Variants in PPFIA2 observed in about 807,000 individuals in gnomAD.
PPFIA2 encodes the protein PPFI scaffold protein A2.
Under a neutral mutation model 175.5 loss-of-function variants are expected in PPFIA2, and 46 were observed. The ratio of observed to expected loss-of-function variants is 0.26; its 90% CI spans 0.21 to 0.34. PPFIA2 has a LOEUF of 0.34. Among genes scored for constraint, PPFIA2 ranks in the 10% least tolerant of loss-of-function variants. The probability of loss-of-function intolerance (pLI) is 1.00; values close to 1 mark genes in which losing one functional copy is unlikely to be tolerated. For synonymous variants in PPFIA2, 568 were observed against 511.4 expected, an observed-to-expected ratio of 1.11 and a Z score of -1.49; for missense variants, 1,179 against 1,506.1, an observed-to-expected ratio of 0.78 and a Z score of 3.60.
At chr12:81,306,470 C>G (rs941906443) in intron 22 of PPFIA2, among the ~76,000 whole-genome samples, 3 of 150,608 alleles carry the variant, frequency 2.0e-5, no homozygotes, top group Non-Finnish European at 3.0e-5. Flanking sequence ...GTAACTCACA[C>G]AAAAGGCAAT....
At chr12:81,677,717 T>C (rs950829301) in intron 3 of PPFIA2, among the ~76,000 whole-genome samples, 1 of 151,914 alleles carries the variant, frequency 6.6e-6, no homozygotes, top group Non-Finnish European at 1.5e-5. Flanking sequence ...AGTATAAAAA[T>C]ATAAAGAGAT....
Position 81,347,761 on chromosome 12 carries a change from C to T in PPFIA2, c.2004G>A (p.Gln668=), listed in dbSNP as rs776762437. Residue 668 remains glutamine, a synonymous_variant, in exon 18 of 33, where the codon CAG becomes CAA. Transcript: ENST00000549396. ...GCAACTCTGTAGATTCTTTTTCTTC[C>T]TGAATTAGCCTGAAAGATACAGTTT... The part of the protein sequence containing the change: ...DAINKEIRLI[Q]EEKESTELRA... 1.9e-6 allele frequency: 3 copies of T among 1,613,644 alleles called. No homozygotes were observed. The Admixed American group carries it at 5.0e-5, about 27-fold the overall frequency.
chr12:81,579,275 C>A (rs1246489209), intron 4 of PPFIA2, among the ~76,000 whole-genome samples: 2 of 151,770 alleles, frequency 1.3e-5, no homozygotes, highest in African/African-American at 4.8e-5. Flanking sequence ...GAATAGCAAC[C>A]ACATAATACC....
chr12:81,753,901 G>A (rs2084239528), intron 3 of PPFIA2, 72 bp downstream of exon 3: 2 of 1,542,018 alleles, frequency 1.3e-6, no homozygotes, highest in Non-Finnish European at 1.8e-6. Flanking sequence ...GTAACATTAA[G>A]AATGGGAGTA....
At chr12:81,672,600 C>A (rs1464875459) in intron 4 of PPFIA2, among the ~76,000 whole-genome samples, 1 of 151,872 alleles carries the variant, frequency 6.6e-6, no homozygotes, top group African/African-American at 2.4e-5. Flanking sequence ...TAAAGAGAAC[C>A]ATTAGCATTT....
At chr12:81,698,011 G>T (rs2076084741) in intron 3 of PPFIA2, among the ~76,000 whole-genome samples, 1 of 152,052 alleles carries the variant, frequency 6.6e-6, no homozygotes, top group Non-Finnish European at 1.5e-5. Flanking sequence ...TATTTTTAAA[G>T]AAGCCACTTA....
chr12:81,483,506 G>A (rs1211477975), intron 4 of PPFIA2, among the ~76,000 whole-genome samples: 2 of 152,086 alleles, frequency 1.3e-5, no homozygotes, highest in Non-Finnish European at 2.9e-5. Context: ...AAAGTAGCCT[G>A]GTAGTTGCCA....
chr12:81,332,464 C>A (rs1049449921), intron 21 of PPFIA2, among the ~76,000 whole-genome samples: 4 of 152,098 alleles, frequency 2.6e-5, no homozygotes, highest in African/African-American at 9.7e-5. Context: ...AGGAAGATTG[C>A]ACTTAGATGA....
At chr12:81,549,485 T>A (rs2067537150) in intron 4 of PPFIA2, among the ~76,000 whole-genome samples, 1 of 152,004 alleles carries the variant, frequency 6.6e-6, no homozygotes, top group Admixed American at 6.6e-5. Context: ...TAAATAATAC[T>A]AACTGCTGTC....
chr12:81,535,622 C>T, intron 4 of PPFIA2: 2 of 362,702 alleles, frequency 5.5e-6, no homozygotes, highest in Non-Finnish European at 1.1e-5. Context: ...AACAGAACCA[C>T]CCCACAGCAA....
At chr12:81,463,335 G>A (rs2054996352) in intron 4 of PPFIA2, among the ~76,000 whole-genome samples, 1 of 152,096 alleles carries the variant, frequency 6.6e-6, no homozygotes, top group South Asian at 2.1e-4. Flanking sequence ...TGAATTAAAA[G>A]GAATCTGTAG....
chr12:81,394,809 A>T (rs965748437), intron 8 of PPFIA2, among the ~76,000 whole-genome samples: 4 of 105,298 alleles, frequency 3.8e-5, no homozygotes, highest in Admixed American at 1.0e-4. Context: ...CCCAGAAGTT[A>T]AAAAAAAAAA....
chr12:81,756,816 G>A (rs1034879797), intron 2 of PPFIA2, among the ~76,000 whole-genome samples: 5 of 152,012 alleles, frequency 3.3e-5, no homozygotes, highest in Admixed American at 3.3e-4. Context: ...TTACCTTTAC[G>A]ACTCATTCTG....
At chr12:81,637,365 A>C (rs2064243918) in intron 4 of PPFIA2, among the ~76,000 whole-genome samples, 1 of 146,738 alleles carries the variant, frequency 6.8e-6, no homozygotes, top group Admixed American at 7.0e-5. Flanking sequence ...CGGCCTCCCA[A>C]ACTGCTGAGA....
intron 7 of PPFIA2, among the ~76,000 whole-genome samples, chr12:81,422,765 T>G (rs1466751061): frequency 6.6e-6 from 1 of 151,988 alleles, no homozygotes; most frequent in East Asian, 1.9e-4. Context: ...AAGATGAGAT[T>G]TGGGTGGGGA....
intron 8 of PPFIA2, among the ~76,000 whole-genome samples, chr12:81,404,825 A>G (rs543667174): frequency 6.6e-6 from 1 of 152,218 alleles, no homozygotes; most frequent in Non-Finnish European, 1.5e-5. Context: ...CTTAATTTAT[A>G]GTAAGAATTC....
At chr12:81,632,377 CAT>C (rs1228212220) in intron 4 of PPFIA2, among the ~76,000 whole-genome samples, 1 of 151,794 alleles carries the variant, frequency 6.6e-6, no homozygotes, top group Non-Finnish European at 1.5e-5. Flanking sequence ...ATTTGAAAAA[CAT>C]ATAATGAATA....
chr12:81,465,590 A>G (rs2055462128), intron 4 of PPFIA2, among the ~76,000 whole-genome samples: 1 of 152,084 alleles, frequency 6.6e-6, no homozygotes, highest in Non-Finnish European at 1.5e-5. Flanking sequence ...TCTTCTAGCA[A>G]TTCTATTTGT....
chr12:81,686,025 C>T (rs1713755043), intron 3 of PPFIA2, among the ~76,000 whole-genome samples: 2 of 151,964 alleles, frequency 1.3e-5, no homozygotes, highest in Non-Finnish European at 2.9e-5. Context: ...AGTATTCAAA[C>T]CAAAGAGGCT....
Sources: gnomAD v4.1 joint callset for allele counts (sites outside exome capture counted in the v4.1 genomes callset) on GRCh38, gnomAD v4.1.1 for gene constraint, MANE v1.5 for transcripts, NCBI Gene and HGNC (gene_info 2026-07-23, HGNC 2026-07-21) for gene names.